Variants in PRSS23 observed in about 807,000 individuals in gnomAD.
The protein encoded by PRSS23 is protease, serine 23.
PRSS23 carries 25 observed loss-of-function variants against 34.7 expected under a neutral mutation model. The observed-to-expected ratio is 0.72, with a 90% CI of 0.53 to 1.01. The LOEUF is 1.01. PRSS23 is among the 50% of genes least tolerant of loss of function. PRSS23 has a pLI of 0.00. For missense variants in PRSS23, 445 were observed against 475.6 expected (o/e 0.94, Z 0.60); for synonymous variants, 176 against 186.6 (o/e 0.94, Z 0.46).
intron 2 of PRSS23, among the ~76,000 whole-genome samples, chr11:86,879,968 G>A (rs1948761659): frequency 6.6e-6 from 1 of 151,978 alleles, no homozygotes; most frequent in African/African-American, 2.4e-5. Context: ...ATTGAGAACG[G>A]GCCATGATGA....
downstream of PRSS23, among the ~76,000 whole-genome samples, chr11:86,814,764 C>T (rs1221793282): frequency 1.3e-5 from 2 of 152,190 alleles, no homozygotes; most frequent in Non-Finnish European, 2.9e-5. Flanking sequence ...CTTGGGACAG[C>T]TCTGCCCACA....
chr11:86,919,125 C>A (rs1949031981), intron 2 of PRSS23, among the ~76,000 whole-genome samples: 1 of 152,180 alleles, frequency 6.6e-6, no homozygotes, highest in African/African-American at 2.4e-5. Flanking sequence ...GGTCTTCTGC[C>A]TCATAGCTTC....
At chr11:86,906,913 G>A (rs1415935283) in intron 2 of PRSS23, among the ~76,000 whole-genome samples, 1 of 152,106 alleles carries the variant, frequency 6.6e-6, no homozygotes, top group African/African-American at 2.4e-5. Flanking sequence ...GTAAGTAGCA[G>A]GGAGAGGTTT....
At chr11:86,879,208 A>G in intron 2 of PRSS23, among the ~76,000 whole-genome samples, 1 of 143,350 alleles carries the variant, frequency 7.0e-6, no homozygotes, top group Non-Finnish European at 1.5e-5. Flanking sequence ...CCATCATCTG[A>G]GATGTGGGGA....
chr11:86,912,752 A>G (rs777665905), intron 2 of PRSS23, among the ~76,000 whole-genome samples: 2 of 152,266 alleles, frequency 1.3e-5, no homozygotes, highest in Admixed American at 6.5e-5. Context: ...TAATTCCAAC[A>G]TATGGTTCAT....
chr11:86,946,281 T>C (rs535497508), intron 2 of PRSS23: 1 of 152,340 alleles, frequency 6.6e-6, no homozygotes, highest in Non-Finnish European at 1.5e-5. Flanking sequence ...AGAGTGGCTC[T>C]TGCCCCTCTT....
chr11:86,945,165 CAT>C (rs1301035645), intron 2 of PRSS23, among the ~76,000 whole-genome samples: 1 of 151,548 alleles, frequency 6.6e-6, no homozygotes, highest in African/African-American at 2.4e-5. Flanking sequence ...ACAAATGTGA[CAT>C]ATGCCCATGT....
At chr11:86,867,277 A>T (rs1023300779) in intron 2 of PRSS23, among the ~76,000 whole-genome samples, 9 of 152,134 alleles carry the variant, frequency 5.9e-5, no homozygotes, top group Non-Finnish European at 1.3e-4. Context: ...AACCTCCCCA[A>T]GCTGGCTCTC....
chr11:86,800,193 G>C (rs1433613795), upstream of PRSS23: 2 of 152,492 alleles, frequency 1.3e-5, no homozygotes, highest in Non-Finnish European at 2.9e-5. Context: ...CGCTCAGGAG[G>C]CCGCGCGCCA....
At chr11:86,812,644 C>G (rs1010992760), downstream of PRSS23, among the ~76,000 whole-genome samples, 6 of 151,818 alleles carry the variant, frequency 4.0e-5, no homozygotes, top group African/African-American at 1.2e-4. Context: ...AAAAATTGGC[C>G]GGGCATGGTG....
chr11:86,866,059 C>T (rs911802299), intron 2 of PRSS23, among the ~76,000 whole-genome samples: 10 of 152,138 alleles, frequency 6.6e-5, no homozygotes, highest in Non-Finnish European at 1.5e-4. Flanking sequence ...TGTGTGGCCT[C>T]CTAAATCTAA....
intron 2 of PRSS23, among the ~76,000 whole-genome samples, chr11:86,925,642 T>A (rs1439553902): frequency 6.6e-6 from 1 of 152,210 alleles, no homozygotes; most frequent in Non-Finnish European, 1.5e-5. Flanking sequence ...ACTCTCTATG[T>A]ACCAAGAGCA....
intron 2 of PRSS23, among the ~76,000 whole-genome samples, chr11:86,881,817 A>AT (rs1482204131): frequency 6.6e-6 from 1 of 152,102 alleles, no homozygotes; most frequent in Non-Finnish European, 1.5e-5. Flanking sequence ...CTTGAGTCAA[A>AT]TTCATTAGTG....
chr11:86,852,373 A>C lies in PRSS23; in HGVS notation c.206+28780A>C, dbSNP rs538825717. On this transcript the variant is annotated intron_variant, in intron 2 of 2. Coordinates refer to the PRSS23 transcript ENST00000533902. ...TAGCCAAAGTCACCCAAATTCCCCA[A>C]CTTCTAAGGATTTCCTCATAATAAT... Among the ~76,000 whole-genome samples the C allele has an allele frequency of 3.7e-4, 57 of 152,204 alleles. No individual in the cohort carries two copies. The South Asian group carries it at 4.4e-3, about 12-fold the overall frequency.
chr11:86,859,399 A>T (rs1368969560), intron 2 of PRSS23, among the ~76,000 whole-genome samples: 3 of 151,328 alleles, frequency 2.0e-5, no homozygotes, highest in Admixed American at 2.0e-4. Context: ...GAGTACACCC[A>T]CTCTGTGATA....
intron 2 of PRSS23, among the ~76,000 whole-genome samples, chr11:86,895,156 C>G (rs140822437): frequency 2.0e-4 from 31 of 152,214 alleles, no homozygotes; most frequent in Middle Eastern, 3.4e-3. Flanking sequence ...AGGATTTAAT[C>G]AAATAATTAA....
intron 1 of PRSS23, 23 bp downstream of exon 1, chr11:86,800,674 G>T (rs1948024532): frequency 7.1e-6 from 7 of 982,332 alleles, no homozygotes; most frequent in Non-Finnish European, 8.5e-6. Flanking sequence ...ACCGACTGGG[G>T]CATCCGCCCG....
chr11:86,812,420 C>A (rs572461871), downstream of PRSS23, among the ~76,000 whole-genome samples: 1 of 152,102 alleles, frequency 6.6e-6, no homozygotes, highest in Non-Finnish European at 1.5e-5. Flanking sequence ...CATTTCTGGG[C>A]GATCAACAAC....
chr11:86,941,912 C>T (rs548415593), intron 2 of PRSS23, among the ~76,000 whole-genome samples: 3 of 152,146 alleles, frequency 2.0e-5, no homozygotes, highest in Non-Finnish European at 2.9e-5. Flanking sequence ...GGTTAAAACC[C>T]TCCCTTCCTC....
Sources: allele counts gnomAD v4.1 joint callset (sites outside exome capture counted in the v4.1 genomes callset), GRCh38; gene constraint gnomAD v4.1.1; transcripts MANE v1.5; gene names NCBI Gene and HGNC (gene_info 2026-07-23, HGNC 2026-07-21).